The following TMEM182 variants were observed in gnomAD, a reference collection of about 807,000 sequenced individuals.
The protein encoded by TMEM182 is transmembrane protein 182.
TMEM182 carries 20 observed loss-of-function variants against 26.8 expected under a neutral mutation model. The ratio of observed to expected loss-of-function variants is 0.75; its 90% CI spans 0.53 to 1.09. TMEM182 has a LOEUF of 1.09. Among genes scored for constraint, TMEM182 ranks in the 50% least tolerant of loss-of-function variants. TMEM182 has a pLI of 0.00. For synonymous variants in TMEM182, 109 were observed against 102.2 expected, an observed-to-expected ratio of 1.07 and a Z score of -0.40; for missense variants, 277 against 275.5, an observed-to-expected ratio of 1.01 and a Z score of -0.04.
chr2:102,749,964 T>C (rs2540312), intron 1 of TMEM182, among the ~76,000 whole-genome samples: 68,225 of 151,760 alleles, frequency 0.45, 15,653 homozygotes, highest in African/African-American at 0.53. Context: ...AAGATTGCCC[T>C]TTGTTTTCTT....
At chr2:102,823,507 A>AT (rs973500760) in intron 3 of TMEM182, among the ~76,000 whole-genome samples, 1 of 151,418 alleles carries the variant, frequency 6.6e-6, no homozygotes, top group Non-Finnish European at 1.5e-5. Context: ...AATTTTTTGT[A>AT]TTTTTTTAGT....
intron 4 of TMEM182, among the ~76,000 whole-genome samples, chr2:102,800,584 A>AT (rs1280659147): frequency 5.3e-5 from 8 of 151,798 alleles, no homozygotes; most frequent in African/African-American, 1.7e-4. Flanking sequence ...AAGGGTACAC[A>AT]TTTTTCTATG....
intron 2 of TMEM182, 31 bp downstream of exon 2, chr2:102,762,717 TG>T: frequency 6.4e-7 from 1 of 1,566,640 alleles, no homozygotes; most frequent in Non-Finnish European, 8.8e-7. Flanking sequence ...TTTTCCCTCT[TG>T]TCTGTAAAAT....
rs563622885 is a variant in TMEM182, at chr2:102,763,154, A to T, written c.232+468A>T. On this transcript the variant is annotated intron_variant, in intron 2 of 4. Coordinates refer to ENST00000412401, the MANE Select transcript of TMEM182 (RefSeq NM_144632.5). ...TTTTTTTAAAAAAATCATGGAACTT[A>T]ATTACCAGCCATGGCAGATGAAAGC... 2.6e-5 allele frequency among the ~76,000 whole-genome samples: 4 copies of T among 152,206 alleles called. No individual in the cohort carries two copies. The South Asian group carries it at 8.3e-4, about 31-fold the overall frequency.
chr2:102,741,242 G>A (rs947044311), intron 1 of TMEM182, among the ~76,000 whole-genome samples: 2 of 152,086 alleles, frequency 1.3e-5, no homozygotes, highest in African/African-American at 4.8e-5. Flanking sequence ...TGACTTCAGG[G>A]GTAATTTTGA....
chr2:102,794,330 T>C (rs1299086509), intron 3 of TMEM182, among the ~76,000 whole-genome samples: 1 of 152,192 alleles, frequency 6.6e-6, no homozygotes, highest in East Asian at 1.9e-4. Context: ...TTTTAACAAA[T>C]ATCATTTAAA....
chr2:102,808,321 A>G (rs1018712098), intron 4 of TMEM182, among the ~76,000 whole-genome samples: 9 of 152,186 alleles, frequency 5.9e-5, no homozygotes, highest in African/African-American at 2.2e-4. Context: ...ATTGAGCGCT[A>G]TGGAATAATT....
intron 3 of TMEM182, among the ~76,000 whole-genome samples, chr2:102,826,240 C>T (rs1402636926): frequency 2.0e-5 from 3 of 151,464 alleles, no homozygotes; most frequent in African/African-American, 7.3e-5. Flanking sequence ...TGAGGCTCTT[C>T]ACTTTCCTCC....
At chr2:102,781,859 G>A (rs1681178861) in intron 3 of TMEM182, among the ~76,000 whole-genome samples, 1 of 152,154 alleles carries the variant, frequency 6.6e-6, no homozygotes, top group South Asian at 2.1e-4. Flanking sequence ...TAAAAGGTAA[G>A]CTTTAGTACT....
At chr2:102,801,602 G>T (rs1464815626) in intron 4 of TMEM182, among the ~76,000 whole-genome samples, 1 of 152,176 alleles carries the variant, frequency 6.6e-6, no homozygotes, top group African/African-American at 2.4e-5. Context: ...GTTCAGGCCT[G>T]CTCAGGCTTC....
Position 102,740,092 on chromosome 2 carries a change from G to A in TMEM182, c.-83+3079G>A, listed in dbSNP as rs565176776. ...TGAAATATAACGTGATTGTGAACTG[G>A]GAGACTAGATATTATTAAGATGACC... On this transcript the variant is annotated intron_variant, in intron 1 of 5. Transcript: ENST00000409173. 1.2e-4 allele frequency among the ~76,000 whole-genome samples: 19 copies of A among 152,252 alleles called. No homozygotes were observed. The South Asian group carries it at 2.3e-3, about 18-fold the overall frequency.
chr2:102,803,954 C>G (rs1412895889), intron 4 of TMEM182, among the ~76,000 whole-genome samples: 2 of 151,906 alleles, frequency 1.3e-5, no homozygotes, highest in African/African-American at 4.8e-5. Flanking sequence ...CAGGCACACG[C>G]AGCCCTGGCA....
At position 102,762,786 on chromosome 2, in the gene TMEM182, T is replaced by TA. The variant is rs570621038; in HGVS notation, c.232+101dup. The TA allele has an allele frequency of 6.6e-5, 61 of 927,848 alleles. No individual in the cohort carries two copies. The South Asian group carries it at 1.0e-3, about 15-fold the overall frequency. 57.5% of individuals were successfully genotyped at this position (927,848 alleles called of 1,614,324 possible). A position where few individuals can be genotyped will look rare whatever the true frequency, so the allele number is the denominator to read the frequency against. ...ACTTCTAGCGGACTGGATTGTGAGT[T>TA]ACAAAATCTCAATTAGATGTCTTTA... On this transcript the variant is annotated intron_variant, in intron 2 of 4. Transcript: ENST00000412401.
intron 1 of TMEM182, among the ~76,000 whole-genome samples, chr2:102,747,496 A>G (rs1679736512): frequency 6.6e-6 from 1 of 152,262 alleles, no homozygotes; most frequent in African/African-American, 2.4e-5. Flanking sequence ...GATGATACTG[A>G]CATCCAAATT....
intron 3 of TMEM182, among the ~76,000 whole-genome samples, chr2:102,824,615 G>A (rs1682995663): frequency 6.6e-6 from 1 of 152,120 alleles, no homozygotes; most frequent in East Asian, 1.9e-4. Flanking sequence ...ACAAGGTCAG[G>A]AAATTGAGAC....
intron 3 of TMEM182, among the ~76,000 whole-genome samples, chr2:102,831,708 A>G (rs1188609568): frequency 1.3e-5 from 2 of 152,020 alleles, no homozygotes; most frequent in Admixed American, 6.6e-5. Context: ...AGTGAGCTGA[A>G]ATCGCACCAC....
intron 4 of TMEM182, among the ~76,000 whole-genome samples, chr2:102,811,615 G>C (rs1682558112): frequency 6.6e-6 from 1 of 152,056 alleles, no homozygotes. Context: ...CTGTTGTAAG[G>C]AAAAGCTTCC....
At position 102,797,938 on chromosome 2, in the gene TMEM182, G is replaced by T; in HGVS notation, c.407G>T (p.Cys136Phe). The change falls in exon 4 of 5, where the codon TGT becomes TTT. Residue 136 changes from cysteine (C) to phenylalanine (F), a missense_variant. Transcript: ENST00000412401. ...GTCATCGCAAGCTTTTTGATCATCT[G>T]TGCAGCCCCCTTCGCCAGCCATTTT... ...AVVIASFLIICAAPFASHFLY... is the reference protein window; with the variant it reads ...AVVIASFLIIFAAPFASHFLY... 1 of 1,614,074 alleles carries T rather than the reference G, an allele frequency of 6.2e-7. No homozygotes were observed. Among genetic ancestry groups the T allele is most frequent in the Non-Finnish European group, 8.5e-7 (1 of 1,180,022 alleles).
intron 1 of TMEM182, among the ~76,000 whole-genome samples, chr2:102,743,623 A>T (rs932577242): frequency 4.6e-5 from 7 of 152,224 alleles, no homozygotes; most frequent in African/African-American, 1.7e-4. Context: ...CCACTATATG[A>T]ATAATCACTT....
Sources: allele counts gnomAD v4.1 joint callset (sites outside exome capture counted in the v4.1 genomes callset), GRCh38; gene constraint gnomAD v4.1.1; transcripts MANE v1.5; gene names NCBI Gene and HGNC (gene_info 2026-07-23, HGNC 2026-07-21).